Variants in KRABD5 observed in about 807,000 individuals in gnomAD.
KRABD5 encodes the protein KRAB domain containing 5, also known as KRAB domain-containing protein 5.
the KRABD5 span, chr16:31,759,428 A>G: frequency 1.3e-6 from 2 of 1,534,754 alleles, no homozygotes; most frequent in South Asian, 2.4e-5. Flanking sequence ...AAGACAAGTG[A>G]ATTTTCTGAG....
chr16:31,746,199 T>A, the KRABD5 span, among the ~76,000 whole-genome samples: 1 of 152,212 alleles, frequency 6.6e-6, no homozygotes, highest in Non-Finnish European at 1.5e-5. Context: ...TTGATGTGGT[T>A]TCTTCACAGT....
At chr16:31,731,476 G>A in the KRABD5 span, among the ~76,000 whole-genome samples, 1 of 152,178 alleles carries the variant, frequency 6.6e-6, no homozygotes, top group Admixed American at 6.5e-5. Context: ...CTCCTGCGGA[G>A]TCTCTGGGAG....
At chr16:31,757,316 A>T in the KRABD5 span, 14 of 152,206 alleles carry the variant, frequency 9.2e-5, no homozygotes, top group South Asian at 8.3e-4. Context: ...AAAATACAAA[A>T]ATTAGCTGGA....
chr16:31,716,624 C>G, the KRABD5 span, among the ~76,000 whole-genome samples: 41 of 152,308 alleles, frequency 2.7e-4, no homozygotes, highest in Admixed American at 2.0e-3. Flanking sequence ...AAGTGATCCA[C>G]CTGCCTCTGC....
the KRABD5 span, among the ~76,000 whole-genome samples, chr16:31,727,507 T>A: frequency 2.0e-5 from 3 of 152,232 alleles, no homozygotes; most frequent in Non-Finnish European, 4.4e-5. Flanking sequence ...TATACCCACT[T>A]TTCATTACAT....
the KRABD5 span, among the ~76,000 whole-genome samples, chr16:31,739,953 A>G: frequency 9.0e-6 from 1 of 111,006 alleles, no homozygotes; most frequent in Non-Finnish European, 1.7e-5. Context: ...GCCAGAGCCC[A>G]TCCCTTTATT....
chr16:31,713,604 C>G, the KRABD5 span: 1 of 1,004,836 alleles, frequency 1.0e-6, no homozygotes. Context: ...AGCCGGGACC[C>G]CGCGCGTCCG....
chr16:31,728,448 A>T, the KRABD5 span, among the ~76,000 whole-genome samples: 1 of 151,874 alleles, frequency 6.6e-6, no homozygotes, highest in Admixed American at 6.6e-5. Flanking sequence ...TCTGTACTAG[A>T]ACTGTTTTGG....
chr16:31,753,773 T>C, the KRABD5 span: 1 of 1,489,324 alleles, frequency 6.7e-7, no homozygotes, highest in African/African-American at 1.4e-5. Flanking sequence ...CAGATATCTT[T>C]TCTCATGATA....
chr16:31,730,154 A>G, the KRABD5 span, among the ~76,000 whole-genome samples: 1 of 151,830 alleles, frequency 6.6e-6, no homozygotes, highest in Non-Finnish European at 1.5e-5. Context: ...TTAGCATTTC[A>G]TCACTTCAAC....
chr16:31,727,421 C>G, the KRABD5 span, among the ~76,000 whole-genome samples: 13 of 152,236 alleles, frequency 8.5e-5, no homozygotes, highest in Admixed American at 7.9e-4. Flanking sequence ...TGTTGCAGCT[C>G]TATGACTGCT....
chr16:31,716,997 G>GTTTTTTTTTTTTTTTTTTTT, the KRABD5 span, among the ~76,000 whole-genome samples: 1 of 81,164 alleles, frequency 1.2e-5, no homozygotes, highest in Non-Finnish European at 2.3e-5. Context: ...GTCAGTCTTT[G>GTTTTTTTTTTTTTTTTTTTT]TTTTTTTTTT....
At chr16:31,759,440 G>A in the KRABD5 span, 1 of 1,529,068 alleles carries the variant, frequency 6.5e-7, no homozygotes, top group South Asian at 1.2e-5. Flanking sequence ...TTTTCTGAGG[G>A]TGATGAAAGT....
At chr16:31,744,483 C>T in the KRABD5 span, among the ~76,000 whole-genome samples, 12 of 152,128 alleles carry the variant, frequency 7.9e-5, no homozygotes, top group Admixed American at 7.2e-4. Flanking sequence ...CCAACTTGAT[C>T]GTGGTGGATA....
the KRABD5 span, among the ~76,000 whole-genome samples, chr16:31,740,481 CTG>C: frequency 6.6e-6 from 1 of 152,076 alleles, no homozygotes; most frequent in African/African-American, 2.4e-5. Context: ...GTTAATTTGT[CTG>C]TGTTCTCCTT....
At chr16:31,749,944 TTATAG>T in the KRABD5 span, among the ~76,000 whole-genome samples, 10 of 152,344 alleles carry the variant, frequency 6.6e-5, no homozygotes, top group East Asian at 3.9e-4. Context: ...GACTGTAGGC[TTATAG>T]TATAGTTTGA....
At chr16:31,729,423 C>T in the KRABD5 span, among the ~76,000 whole-genome samples, 12 of 152,148 alleles carry the variant, frequency 7.9e-5, no homozygotes, top group Non-Finnish European at 1.3e-4. Flanking sequence ...GCCAAAGGCA[C>T]GAGGGGGAGA....
chr16:31,759,481 G>A, the KRABD5 span: 3 of 1,398,076 alleles, frequency 2.1e-6, no homozygotes, highest in South Asian at 1.2e-5. Context: ...AGTTTATATG[G>A]GTCTATTTAT....
chr16:31,739,453 CATT>C, the KRABD5 span, among the ~76,000 whole-genome samples: 1 of 151,554 alleles, frequency 6.6e-6, no homozygotes, highest in Non-Finnish European at 1.5e-5. Flanking sequence ...TGCCAAGTCA[CATT>C]TTTTTTTTTC....
Sources: allele counts gnomAD v4.1 joint callset (sites outside exome capture counted in the v4.1 genomes callset), GRCh38; gene constraint gnomAD v4.1.1; transcripts MANE v1.5; gene names NCBI Gene and HGNC (gene_info 2026-07-23, HGNC 2026-07-21).